TSPAN9: variants seen among roughly 807,000 people sequenced by gnomAD.
TSPAN9 encodes the protein tetraspanin 9, also known as tetraspanin-9.
TSPAN9 carries 16 observed loss-of-function variants against 31.0 expected under a neutral mutation model. The ratio of observed to expected loss-of-function variants is 0.52; its 90% CI spans 0.35 to 0.78. The LOEUF is 0.78. Ranked by LOEUF, TSPAN9 falls within the 30% of genes least tolerant of loss-of-function variation. The pLI is 0.01. For missense variants in TSPAN9, 272 were observed against 312.5 expected (o/e 0.87, Z 0.98); for synonymous variants, 145 against 121.6 (o/e 1.19, Z -1.27).
intron 3 of TSPAN9, among the ~76,000 whole-genome samples, chr12:3,227,497 G>A (rs576480335): frequency 5.3e-5 from 8 of 152,328 alleles, no homozygotes; most frequent in African/African-American, 9.6e-5. Flanking sequence ...GAGACTCCCC[G>A]TGGAGGGTGA....
At position 3,169,510 on chromosome 12, in the gene TSPAN9, C is replaced by T. The variant is rs1047773162; in HGVS notation, c.-17-31667C>T. Among the ~76,000 whole-genome samples, 9 of 152,206 alleles carry T rather than the reference C, an allele frequency of 5.9e-5. No individual in the cohort carries two copies. The East Asian group carries it at 1.7e-3, about 29-fold the overall frequency. On this transcript the variant is annotated intron_variant, in intron 2 of 8. Coordinates refer to ENST00000011898, the MANE Select transcript of TSPAN9 (RefSeq NM_006675.5). ...CACGTGTACCTGCCCTCCCTACCGCCCAGAGTGGCCATAAGGACCACATGA... is the reference window on the plus strand; with the variant it reads ...CACGTGTACCTGCCCTCCCTACCGCTCAGAGTGGCCATAAGGACCACATGA...
At chr12:3,165,574 G>A (rs1244067949) in intron 2 of TSPAN9, among the ~76,000 whole-genome samples, 3 of 152,132 alleles carry the variant, frequency 2.0e-5, no homozygotes, top group Non-Finnish European at 2.9e-5. Context: ...CGAGGGTCAC[G>A]GAGTGTTTCT....
intron 3 of TSPAN9, among the ~76,000 whole-genome samples, chr12:3,270,976 C>A (rs911779952): frequency 5.9e-5 from 9 of 152,318 alleles, no homozygotes; most frequent in Non-Finnish European, 1.3e-4. Context: ...AACACGATGC[C>A]CCTTAAGTTT....
intron 3 of TSPAN9, among the ~76,000 whole-genome samples, chr12:3,268,829 C>T (rs1434619503): frequency 3.3e-5 from 3 of 89,892 alleles, no homozygotes; most frequent in South Asian, 6.2e-4. Context: ...GCCCTCCGTG[C>T]ATTCCTGCAG....
At chr12:3,250,748 C>G (rs538213794) in intron 3 of TSPAN9, among the ~76,000 whole-genome samples, 2 of 152,242 alleles carry the variant, frequency 1.3e-5, no homozygotes, top group Non-Finnish European at 2.9e-5. Context: ...AGAACCCTTT[C>G]CTGGTCCTGT....
chr12:3,092,980 G>T (rs2098305662), intron 2 of TSPAN9, among the ~76,000 whole-genome samples: 1 of 152,260 alleles, frequency 6.6e-6, no homozygotes, highest in African/African-American at 2.4e-5. Context: ...CCTGGACACT[G>T]CAGGCTGGGC....
chr12:3,142,360 G>T (rs970957964), intron 2 of TSPAN9, among the ~76,000 whole-genome samples: 2 of 152,094 alleles, frequency 1.3e-5, no homozygotes, highest in African/African-American at 4.8e-5. Context: ...AACTGAATGG[G>T]GCTCACGTTG....
At chr12:3,237,427 CTACCTCTTGGCCACAGAA>C (rs2098394383) in intron 3 of TSPAN9, among the ~76,000 whole-genome samples, 2 of 152,320 alleles carry the variant, frequency 1.3e-5, no homozygotes, top group Admixed American at 1.3e-4. Context: ...TATACCAGGG[CTACCTCTTGGCCACAGAA>C]CAGAGTGTCC....
At chr12:3,105,754 A>ACGCG (rs1350353548) in intron 2 of TSPAN9, among the ~76,000 whole-genome samples, 182 of 91,574 alleles carry the variant, frequency 2.0e-3, no homozygotes, top group South Asian at 6.8e-3. Flanking sequence ...ACACTCACAC[A>ACGCG]CACGCACACA....
rs1199161212 is a variant in TSPAN9, at chr12:3,135,136, G to T, written c.-18+51417G>T. On this transcript the variant is annotated intron_variant, in intron 2 of 8. Transcript: ENST00000011898. The stretch of plus-strand genomic sequence containing the variant: ...TTTGCTCTGTCACCCAAGCTAGAGT[G>T]CAGTGTCACGATCGGAGCTCACTGC... Among the ~76,000 whole-genome samples the T allele has an allele frequency of 5.9e-5, 9 of 152,256 alleles. No individual in the cohort carries two copies. The East Asian group carries it at 1.7e-3, about 30-fold the overall frequency.
chr12:3,181,076 A>G (rs2098358361), intron 2 of TSPAN9, among the ~76,000 whole-genome samples: 1 of 144,134 alleles, frequency 6.9e-6, no homozygotes, highest in African/African-American at 2.6e-5. Context: ...GGTGGGGGGG[A>G]TGTTTGCTTG....
intron 2 of TSPAN9, among the ~76,000 whole-genome samples, chr12:3,150,562 A>G (rs1428031146): frequency 6.6e-6 from 1 of 152,130 alleles, no homozygotes; most frequent in East Asian, 1.9e-4. Context: ...AATTAGAGAT[A>G]TGGTATGGTT....
intron 2 of TSPAN9, among the ~76,000 whole-genome samples, chr12:3,114,082 TAGCTCTGTGATC>T (rs2098320772): frequency 1.3e-5 from 2 of 152,244 alleles, no homozygotes; most frequent in Admixed American, 1.3e-4. Flanking sequence ...CTCTGACATC[TAGCTCTGTGATC>T]AGCCAGTTTC....
intron 3 of TSPAN9, among the ~76,000 whole-genome samples, chr12:3,205,085 C>T (rs1416128898): frequency 2.6e-5 from 4 of 152,118 alleles, no homozygotes; most frequent in African/African-American, 9.7e-5. Context: ...CCAGCTCTTC[C>T]CAGCCCAAAT....
chr12:3,248,228 C>T (rs894700282), intron 3 of TSPAN9, among the ~76,000 whole-genome samples: 1 of 152,140 alleles, frequency 6.6e-6, no homozygotes, highest in Non-Finnish European at 1.5e-5. Flanking sequence ...CTGTGGCCCC[C>T]CTAGGCACAC....
chr12:3,276,039 G>A (rs950282370), intron 3 of TSPAN9, among the ~76,000 whole-genome samples: 13 of 152,226 alleles, frequency 8.5e-5, no homozygotes, highest in African/African-American at 2.9e-4. Context: ...GGTATGAGTC[G>A]TCCCCAGCTC....
At chr12:3,121,538 T>G (rs949793618) in intron 2 of TSPAN9, among the ~76,000 whole-genome samples, 1,855 of 130,566 alleles carry the variant, frequency 0.014, 107 homozygotes, top group African/African-American at 0.045. Flanking sequence ...TAAAACTTTT[T>G]TTTTTTTTTT....
intron 2 of TSPAN9, among the ~76,000 whole-genome samples, chr12:3,177,051 C>A (rs549299534): frequency 6.6e-6 from 1 of 152,224 alleles, no homozygotes. Flanking sequence ...GTGGTGGGAC[C>A]CCCAGGAGAT....
At chr12:3,185,059 A>G (rs1362097167) in intron 2 of TSPAN9, among the ~76,000 whole-genome samples, 1 of 152,214 alleles carries the variant, frequency 6.6e-6, no homozygotes, top group Non-Finnish European at 1.5e-5. Flanking sequence ...AACGAGGCTC[A>G]TGATAAGAGT....
Sources: allele counts gnomAD v4.1 joint callset (sites outside exome capture counted in the v4.1 genomes callset), GRCh38; gene constraint gnomAD v4.1.1; transcripts MANE v1.5; gene names NCBI Gene and HGNC (gene_info 2026-07-23, HGNC 2026-07-21).